Variants in ANK3 observed in about 807,000 individuals in gnomAD.
The protein encoded by ANK3 is ankyrin 3, also known as ankyrin-3.
ANK3 carries 57 observed loss-of-function variants against 370.9 expected under a neutral mutation model. That is an observed-to-expected ratio of 0.15 (90% CI 0.12 to 0.19). The LOEUF (loss-of-function observed/expected upper bound fraction) is 0.19. Among genes scored for constraint, ANK3 ranks in the 10% least tolerant of loss-of-function variants. ANK3 has a pLI of 1.00. For missense variants in ANK3, 4,439 were observed against 5,302.1 expected (o/e 0.84, Z 5.06); for synonymous variants, 1,929 against 1,946.3 (o/e 0.99, Z 0.23).
intron 25 of ANK3, among the ~76,000 whole-genome samples, chr10:60,117,041 A>C (rs1209651089): frequency 1.3e-5 from 2 of 152,254 alleles, no homozygotes; most frequent in African/African-American, 2.4e-5. Flanking sequence ...AAGGCAATAG[A>C]GCAATTCCTT....
chr10:60,266,941 T>C (rs2132659689), intron 5 of ANK3, among the ~76,000 whole-genome samples: 1 of 152,236 alleles, frequency 6.6e-6, no homozygotes, highest in Non-Finnish European at 1.5e-5. Context: ...AACAAACAAA[T>C]ATACTGTGTG....
chr10:60,036,427 T>C (rs1478600404), intron 43 of ANK3, among the ~76,000 whole-genome samples: 1 of 56,098 alleles, frequency 1.8e-5, no homozygotes, highest in African/African-American at 7.0e-5. Context: ...AGGCAATTTT[T>C]TTTTTTTTTT....
At chr10:60,523,124 T>A (rs997498979) in intron 2 of ANK3, among the ~76,000 whole-genome samples, 13 of 152,008 alleles carry the variant, frequency 8.6e-5, no homozygotes, top group African/African-American at 3.1e-4. Context: ...CATTTCAGAG[T>A]CTTTAACAGC....
chr10:60,455,269 G>T (rs1389227145), intron 2 of ANK3, among the ~76,000 whole-genome samples: 2 of 152,070 alleles, frequency 1.3e-5, no homozygotes, highest in Non-Finnish European at 2.9e-5. Context: ...ATTTGTCTCA[G>T]CGCTGCATGT....
intron 1 of ANK3, among the ~76,000 whole-genome samples, chr10:60,327,404 T>C (rs1439667306): frequency 6.6e-6 from 1 of 152,212 alleles, no homozygotes; most frequent in Non-Finnish European, 1.5e-5. Context: ...CATATTAATA[T>C]GTAAATTTAG....
chr10:60,470,197 C>G (rs1432302296), intron 2 of ANK3, among the ~76,000 whole-genome samples: 1 of 152,030 alleles, frequency 6.6e-6, no homozygotes, highest in African/African-American at 2.4e-5. Flanking sequence ...GAAGAACTTA[C>G]AATATCACAG....
chr10:60,248,400 A>G (rs2097587408), intron 7 of ANK3, among the ~76,000 whole-genome samples: 1 of 152,118 alleles, frequency 6.6e-6, no homozygotes, highest in South Asian at 2.1e-4. Flanking sequence ...CTTTTTAAAT[A>G]TATATTTTTT....
chr10:60,054,599 T>C (rs2078768156), intron 42 of ANK3, among the ~76,000 whole-genome samples: 1 of 152,204 alleles, frequency 6.6e-6, no homozygotes, highest in Admixed American at 6.5e-5. Flanking sequence ...AGATATTGTC[T>C]GCAGAAGGGA....
At chr10:60,627,820 C>T (rs539954595) in intron 1 of ANK3, among the ~76,000 whole-genome samples, 28 of 152,176 alleles carry the variant, frequency 1.8e-4, no homozygotes, top group African/African-American at 6.7e-4. Context: ...AATTTAAATA[C>T]ATTTAATCCT....
intron 2 of ANK3, among the ~76,000 whole-genome samples, chr10:60,609,662 G>A (rs2078176505): frequency 6.6e-6 from 1 of 152,004 alleles, no homozygotes; most frequent in South Asian, 2.1e-4. Context: ...AATGCAGACT[G>A]CTTGAAAACC....
intron 2 of ANK3, among the ~76,000 whole-genome samples, chr10:60,453,761 CAG>C (rs1477351140): frequency 1.3e-5 from 2 of 152,038 alleles, no homozygotes; most frequent in African/African-American, 2.4e-5. Context: ...CACACACACA[CAG>C]AGTGTGTGTT....
intron 1 of ANK3, among the ~76,000 whole-genome samples, chr10:60,379,094 A>G (rs1311595326): frequency 6.6e-6 from 1 of 152,176 alleles, no homozygotes; most frequent in African/African-American, 2.4e-5. Flanking sequence ...CGACAAATAT[A>G]TGAAAAATGC....
rs549906396 is a variant in ANK3 at position 60,145,636 on chromosome 10, G to T, written c.2615-6549C>A. 2.1e-4 allele frequency among the ~76,000 whole-genome samples: 32 copies of T among 152,256 alleles called. No individual in the cohort carries two copies. The South Asian group carries it at 6.6e-3, about 32-fold the overall frequency. On this transcript the variant is annotated intron_variant, in intron 23 of 43. Transcript: ENST00000280772. ...ATTTCAAAATAAAACACAGTTTAGAGTGGTGGAATAAATACTCCAAGATTA... is the reference window on the plus strand; with the variant it reads ...ATTTCAAAATAAAACACAGTTTAGATTGGTGGAATAAATACTCCAAGATTA...
intron 1 of ANK3, among the ~76,000 whole-genome samples, chr10:60,375,114 T>C (rs2060600473): frequency 6.6e-6 from 1 of 152,206 alleles, no homozygotes; most frequent in African/African-American, 2.4e-5. Flanking sequence ...TTTGCCTCTC[T>C]AGGTTTAATG....
At chr10:60,477,516 T>TACAC (rs761752696) in intron 2 of ANK3, among the ~76,000 whole-genome samples, 9,600 of 122,498 alleles carry the variant, frequency 0.078, 383 homozygotes, top group South Asian at 0.1. Context: ...CAGACAGACA[T>TACAC]ACACACACAC....
chr10:60,496,345 C>T (rs577001654), intron 2 of ANK3, among the ~76,000 whole-genome samples: 91 of 152,276 alleles, frequency 6.0e-4, no homozygotes, highest in African/African-American at 2.1e-3. Flanking sequence ...CTCTGTAGTA[C>T]TCATGATGAC....
At chr10:60,546,353 A>G (rs2076964761) in intron 2 of ANK3, among the ~76,000 whole-genome samples, 2 of 152,154 alleles carry the variant, frequency 1.3e-5, no homozygotes, top group Non-Finnish European at 2.9e-5. Context: ...TCTTTTTATA[A>G]TTACAAGGTA....
intron 1 of ANK3, among the ~76,000 whole-genome samples, chr10:60,671,778 G>A (rs2079066863): frequency 6.6e-6 from 1 of 152,232 alleles, no homozygotes; most frequent in Non-Finnish European, 1.5e-5. Flanking sequence ...CATGTTGTGA[G>A]GATGCTCAAG....
rs1465218887 is a variant in ANK3 at position 60,072,761 on chromosome 10, C to G, written c.8120G>C (p.Gly2707Ala). ...QSKAPDGPQSGFQLKQSKLSS... is the reference protein window; with the variant it reads ...QSKAPDGPQSAFQLKQSKLSS... ...GAGTTTAGATTGTTTGAGCTGGAAT[C>G]CAGACTGGGGCCCATCTGGTGCTTT... Residue 2707 changes from glycine (G) to alanine (A), a missense_variant, in exon 37 of 44, where the codon GGA (glycine) becomes GCA (alanine). Coordinates refer to ENST00000280772, the MANE Select transcript of ANK3 (RefSeq NM_020987.5). 6.2e-7 allele frequency: 1 copy of G among 1,614,094 alleles called. No homozygotes were observed.
Sources: allele counts gnomAD v4.1 joint callset (sites outside exome capture counted in the v4.1 genomes callset), GRCh38; gene constraint gnomAD v4.1.1; transcripts MANE v1.5; gene names NCBI Gene and HGNC (gene_info 2026-07-23, HGNC 2026-07-21).